PDSS2: variants seen among roughly 807,000 people sequenced by gnomAD.
The protein encoded by PDSS2 is decaprenyl diphosphate synthase subunit 2.
PDSS2 carries 31 observed loss-of-function variants against 44.5 expected under a neutral mutation model. The ratio of observed to expected loss-of-function variants is 0.70; its 90% CI spans 0.52 to 0.94. The LOEUF is 0.94. PDSS2 is among the 40% of genes least tolerant of loss of function. The probability of loss-of-function intolerance (pLI) is 0.00; values close to 1 mark genes in which losing one functional copy is unlikely to be tolerated. For synonymous variants in PDSS2, 157 were observed against 180.3 expected (o/e 0.87, Z 1.03); for missense variants, 452 against 482.2 (o/e 0.94, Z 0.59).
At chr6:107,451,637 G>A (rs188456678) in intron 1 of PDSS2, among the ~76,000 whole-genome samples, 8 of 152,210 alleles carry the variant, frequency 5.3e-5, no homozygotes, top group South Asian at 2.1e-4. Context: ...GTGCTAAACC[G>A]TCACAGCTAC....
intron 3 of PDSS2, among the ~76,000 whole-genome samples, chr6:107,246,545 G>A (rs1361361008): frequency 6.6e-6 from 1 of 152,054 alleles, no homozygotes; most frequent in Non-Finnish European, 1.5e-5. Context: ...TTGAATTAAA[G>A]GATTTTGTTT....
At chr6:107,447,176 A>G (rs1353447287) in intron 1 of PDSS2, among the ~76,000 whole-genome samples, 3 of 152,012 alleles carry the variant, frequency 2.0e-5, no homozygotes, top group Non-Finnish European at 4.4e-5. Flanking sequence ...TATTAAAAAT[A>G]CAAAAAAAAA....
intron 2 of PDSS2, among the ~76,000 whole-genome samples, chr6:107,314,040 T>C (rs1777128686): frequency 2.6e-5 from 4 of 152,070 alleles, no homozygotes; most frequent in Admixed American, 2.6e-4. Flanking sequence ...GGTAGGAGGA[T>C]CTAAGAGTCC....
chr6:107,448,330 G>A (rs2114842308), intron 1 of PDSS2, among the ~76,000 whole-genome samples: 1 of 152,080 alleles, frequency 6.6e-6, no homozygotes, highest in Admixed American at 6.5e-5. Context: ...AAACTTTTAT[G>A]TTCTGTCACC....
intron 1 of PDSS2, among the ~76,000 whole-genome samples, chr6:107,406,571 T>C (rs1022329245): frequency 6.6e-6 from 1 of 152,220 alleles, no homozygotes; most frequent in African/African-American, 2.4e-5. Flanking sequence ...TTTTGAATGA[T>C]AGAATATGGG....
In PDSS2 at chr6:107,210,856, T is replaced by TGGG. The variant is rs34209518; in HGVS notation, c.877-289_877-287dup. Among the ~76,000 whole-genome samples the TGGG allele has an allele frequency of 3.5e-3, 534 of 150,734 alleles. 4 individuals are homozygous for TGGG. The highest frequency in any genetic ancestry group is 0.012 in the African/African-American group (509 of 40,988). ...CCATCTCTACTAAAAAAACAAAAAT[T>TGGG]GGGGGGGGTTTGCACACACATTCCA... On this transcript the variant is annotated intron_variant, in intron 5 of 7. Transcript: ENST00000369037.
chr6:107,396,250 A>G (rs1332986265), intron 1 of PDSS2, among the ~76,000 whole-genome samples: 1 of 152,072 alleles, frequency 6.6e-6, no homozygotes, highest in Non-Finnish European at 1.5e-5. Context: ...CCTGTCTGTT[A>G]TATCACCTTG....
intron 2 of PDSS2, among the ~76,000 whole-genome samples, chr6:107,293,051 T>C (rs1020182886): frequency 2.0e-5 from 3 of 152,242 alleles, no homozygotes; most frequent in Admixed American, 2.0e-4. Context: ...TGATCAACAT[T>C]AAACAGACTT....
chr6:107,339,433 AGACTGGACGCC>A (rs1778009346), intron 1 of PDSS2, among the ~76,000 whole-genome samples: 1 of 152,212 alleles, frequency 6.6e-6, no homozygotes, highest in Admixed American at 6.5e-5. Flanking sequence ...TCAATTAATA[AGACTGGACGCC>A]TTCTATACAT....
intron 2 of PDSS2, among the ~76,000 whole-genome samples, chr6:107,320,856 T>G (rs1450146918): frequency 6.6e-6 from 1 of 152,182 alleles, no homozygotes; most frequent in African/African-American, 2.4e-5. Context: ...ACTGAGGATG[T>G]CAAGATGACT....
chr6:107,375,008 CA>C (rs1353406989), intron 1 of PDSS2, among the ~76,000 whole-genome samples: 1 of 151,544 alleles, frequency 6.6e-6, no homozygotes, highest in African/African-American at 2.4e-5. Context: ...ATCCATGGGA[CA>C]AAGAGGCTGT....
intron 7 of PDSS2, among the ~76,000 whole-genome samples, chr6:107,155,597 T>C (rs1554245432): frequency 6.6e-6 from 1 of 151,400 alleles, no homozygotes; most frequent in African/African-American, 2.4e-5. Context: ...TTTTTTTTTT[T>C]TGAGACGGAG....
intron 3 of PDSS2, among the ~76,000 whole-genome samples, chr6:107,267,838 C>T (rs1402787617): frequency 6.6e-6 from 1 of 151,894 alleles, no homozygotes; most frequent in Non-Finnish European, 1.5e-5. Context: ...AGCTATCCTC[C>T]CACCTCCATC....
At chr6:107,440,023 T>C (rs892964003) in intron 1 of PDSS2, among the ~76,000 whole-genome samples, 2 of 152,124 alleles carry the variant, frequency 1.3e-5, no homozygotes, top group Non-Finnish European at 2.9e-5. Flanking sequence ...TGTTAGTGTT[T>C]TGACAGGGAC....
chr6:107,417,007 T>C (rs1454124419), intron 1 of PDSS2, among the ~76,000 whole-genome samples: 1 of 152,040 alleles, frequency 6.6e-6, no homozygotes, highest in African/African-American at 2.4e-5. Flanking sequence ...GGCGGGTGGA[T>C]TGCTTGAGCC....
intron 7 of PDSS2, among the ~76,000 whole-genome samples, chr6:107,159,667 C>T (rs893736923): frequency 6.6e-6 from 1 of 151,874 alleles, no homozygotes; most frequent in East Asian, 2.0e-4. Context: ...ATCCACCCAC[C>T]TCGGCCTCCC....
At position 107,183,423 on chromosome 6, in the gene PDSS2, T is replaced by C. The variant is rs143634312; in HGVS notation, c.1041+10399A>G. 8.5e-5 allele frequency among the ~76,000 whole-genome samples: 13 copies of C among 152,230 alleles called. No individual in the cohort carries two copies. In the East Asian group the frequency reaches 2.5e-3, roughly 29 times the overall value. ...AAATGCTAAGACATCTTTGGCCAGG[T>C]GCGGTGGCTCATGCCTGTAATCTCA... On this transcript the variant is annotated intron_variant, in intron 7 of 7. Transcript: ENST00000369037.
At chr6:107,262,800 G>C (rs1352709602) in intron 3 of PDSS2, among the ~76,000 whole-genome samples, 4 of 151,770 alleles carry the variant, frequency 2.6e-5, no homozygotes, top group Non-Finnish European at 5.9e-5. Flanking sequence ...AAGGAAACTT[G>C]GCTGGGCACA....
intron 2 of PDSS2, among the ~76,000 whole-genome samples, chr6:107,304,838 C>G (rs1327454532): frequency 6.6e-6 from 1 of 152,054 alleles, no homozygotes; most frequent in Non-Finnish European, 1.5e-5. Context: ...CCTGTGGTGA[C>G]AGGGAGTCAT....
Sources: gnomAD v4.1 joint callset for allele counts (sites outside exome capture counted in the v4.1 genomes callset) on GRCh38, gnomAD v4.1.1 for gene constraint, MANE v1.5 for transcripts, NCBI Gene and HGNC (gene_info 2026-07-23, HGNC 2026-07-21) for gene names.